PREX1: variants seen among roughly 807,000 people sequenced by gnomAD.
The protein encoded by PREX1 is phosphatidylinositol 3,4,5-trisphosphate-dependent Rac exchanger 1 protein.
In PREX1, 41 loss-of-function variants were observed where a neutral mutation model predicts 198.3. That is an observed-to-expected ratio of 0.21 (90% CI 0.16 to 0.27). PREX1 has a LOEUF of 0.27. Ranked by LOEUF, PREX1 falls within the 10% of genes least tolerant of loss-of-function variation. The pLI, the probability that PREX1 is intolerant of heterozygous loss-of-function variation, is 1.00. For missense variants in PREX1, 1,620 were observed against 2,200.7 expected (o/e 0.74, Z 5.28); for synonymous variants, 843 against 887.2 (o/e 0.95, Z 0.89).
the PREX1 span, among the ~76,000 whole-genome samples, chr20:48,861,365 G>A: frequency 2.6e-5 from 4 of 152,256 alleles, no homozygotes; most frequent in Admixed American, 6.5e-5. Context: ...CCCCAGACAT[G>A]TCTTGTTCGG....
the PREX1 span, among the ~76,000 whole-genome samples, chr20:48,881,283 AT>A: frequency 2.6e-5 from 4 of 152,140 alleles, no homozygotes; most frequent in Admixed American, 2.6e-4. Context: ...TTTTTCCATA[AT>A]AAAAAAAGAA....
intron 1 of PREX1, among the ~76,000 whole-genome samples, chr20:48,779,530 T>C (rs2090278866): frequency 2.0e-5 from 3 of 152,190 alleles, no homozygotes; most frequent in African/African-American, 2.4e-5. Flanking sequence ...TGAAAACTTA[T>C]GTTCACACAA....
chr20:48,642,627 C>T (rs974969437), intron 27 of PREX1, 138 bp from the exon 28 acceptor site: 12 of 735,090 alleles, frequency 1.6e-5, no homozygotes, highest in African/African-American at 5.3e-5. Flanking sequence ...CAGGTCCTGG[C>T]TGTGAGCCAC....
intron 10 of PREX1, among the ~76,000 whole-genome samples, chr20:48,686,885 G>C (rs958707907): frequency 1.3e-5 from 2 of 152,152 alleles, no homozygotes; most frequent in African/African-American, 4.8e-5. Context: ...CTAAGCCTCC[G>C]TGGCCTGCCC....
chr20:48,787,391 A>G (rs561611727), intron 1 of PREX1, among the ~76,000 whole-genome samples: 1 of 152,262 alleles, frequency 6.6e-6, no homozygotes, highest in East Asian at 1.9e-4. Context: ...AAAAAGAAAG[A>G]AAGAAAAAAG....
the PREX1 span, among the ~76,000 whole-genome samples, chr20:48,854,135 C>T: frequency 2.6e-5 from 4 of 152,228 alleles, no homozygotes; most frequent in East Asian, 1.9e-4. Flanking sequence ...ACACGCAGGC[C>T]GAGGGACAGG....
chr20:48,650,798 T>A, intron 23 of PREX1, 96 bp downstream of exon 23: 1 of 1,446,698 alleles, frequency 6.9e-7, no homozygotes, highest in Non-Finnish European at 9.4e-7. Flanking sequence ...TTCAGCTGAG[T>A]TGGGTTGGGC....
intron 34 of PREX1, 40 bp from the exon 35 acceptor site, chr20:48,632,431 G>A: frequency 6.2e-7 from 1 of 1,613,226 alleles, no homozygotes; most frequent in East Asian, 2.2e-5. Context: ...GCGGTTGGGA[G>A]CCGGTGTGCT....
chr20:48,865,515 T>C, the PREX1 span, among the ~76,000 whole-genome samples: 2 of 152,152 alleles, frequency 1.3e-5, no homozygotes, highest in Non-Finnish European at 2.9e-5. Context: ...TTCAGAACAT[T>C]ATATGCTATC....
chr20:48,656,516 C>T (rs1002726750), intron 18 of PREX1: 13 of 456,702 alleles, frequency 2.8e-5, no homozygotes, highest in Admixed American at 1.2e-4. Flanking sequence ...TCTTCCAATG[C>T]GCCAGACACG....
At chr20:48,743,555 C>T (rs953483878) in intron 3 of PREX1, among the ~76,000 whole-genome samples, 1 of 152,210 alleles carries the variant, frequency 6.6e-6, no homozygotes, top group African/African-American at 2.4e-5. Context: ...CCCCATTGTG[C>T]TCTTATTTGT....
In PREX1 at chr20:48,691,034, T is replaced by C; in HGVS notation, c.1099A>G (p.Asn367Asp). The C allele has an allele frequency of 6.2e-7, 1 of 1,614,210 alleles. No individual in the cohort carries two copies. The highest frequency in any genetic ancestry group is 1.1e-5 in the South Asian group (1 of 91,082). ...TTGGCCATGCAGACAAACCACTTAT[T>C]CTTGGCCGTGTTGTGGATCTTCCAG... ...NGWKIHNTAKNKWFVCMAKTA... is the reference protein window; with the variant it reads ...NGWKIHNTAKDKWFVCMAKTA... The change falls in exon 9 of 40, where the codon AAT becomes GAT. Residue 367 changes from asparagine (N) to aspartate (D), a missense_variant. Asn to Asp is a conservative substitution (Grantham distance 23, BLOSUM62 1). Coordinates refer to ENST00000371941, the MANE Select transcript of PREX1 (RefSeq NM_020820.4). This position sits in a 1 kb window ranked among gnomAD's most constrained non-coding sequence, Gnocchi z 5.0.
the PREX1 span, among the ~76,000 whole-genome samples, chr20:48,881,132 G>A: frequency 6.6e-6 from 1 of 152,086 alleles, no homozygotes; most frequent in East Asian, 1.9e-4. Context: ...CATGATTCTG[G>A]GACTTGCTTC....
In PREX1 at chr20:48,660,080, G is replaced by A; in HGVS notation, c.1739-19C>T. ...TCCAGCACTGCAGATCCACAGATGT[G>A]CACTCAGTGGTCAGATTCACAGGGA... On this transcript the variant is annotated intron_variant, in intron 15 of 39. Transcript: ENST00000371941. 1 of 1,611,130 alleles carries A rather than the reference G, an allele frequency of 6.2e-7. No homozygotes were observed. The highest frequency in any genetic ancestry group is 2.2e-5 in the East Asian group (1 of 44,792).
rs755433434 is a variant in PREX1 at position 48,639,750 on chromosome 20, C to T, written c.3904+16G>A. 4 of 1,613,186 alleles carry T rather than the reference C, an allele frequency of 2.5e-6. No individual in the cohort carries two copies. Among genetic ancestry groups the T allele is most frequent in the Middle Eastern group, 1.7e-4 (1 of 5,970 alleles). ...GGCCCCCTCCCCACCATGATGCACC[C>T]TCCCTGCCCACCGACCTTCCACATA... On this transcript the variant is annotated intron_variant, in intron 30 of 39. Coordinates refer to ENST00000371941, the MANE Select transcript of PREX1 (RefSeq NM_020820.4).
At chr20:48,652,508 G>A (rs529890380) in intron 21 of PREX1, 78 bp downstream of exon 21, 15,643 of 1,485,684 alleles carry the variant, frequency 0.011, 130 homozygotes, top group Non-Finnish European at 0.012. Context: ...GAGGGGAGGG[G>A]ACAACAGGAG....
chr20:48,830,882 T>A (rs2090535815), upstream of PREX1, among the ~76,000 whole-genome samples: 1 of 152,232 alleles, frequency 6.6e-6, no homozygotes, highest in African/African-American at 2.4e-5. Context: ...ATAAGTGAAG[T>A]CTTTTACAAT....
intron 29 of PREX1, 110 bp downstream of exon 29, chr20:48,642,058 A>ACAGT: frequency 6.2e-6 from 7 of 1,123,084 alleles, no homozygotes; most frequent in East Asian, 4.8e-5. Context: ...TGATGATCCT[A>ACAGT]CAGTCGTTCA....
the PREX1 span, among the ~76,000 whole-genome samples, chr20:48,833,483 C>T: frequency 1.3e-5 from 2 of 150,626 alleles, no homozygotes; most frequent in Non-Finnish European, 2.9e-5. Flanking sequence ...ATTCTGTTGC[C>T]CAGAGTGGAA....
Sources: gnomAD v4.1 joint callset for allele counts (sites outside exome capture counted in the v4.1 genomes callset) on GRCh38, gnomAD v4.1.1 for gene constraint, Gnocchi (gnomAD v3.1) non-coding constraint, MANE v1.5 for transcripts, NCBI Gene and HGNC (gene_info 2026-07-23, HGNC 2026-07-21) for gene names.